AMOTL1: variants seen among roughly 807,000 people sequenced by gnomAD.
AMOTL1 encodes angiomotin-like protein 1.
In AMOTL1, 45 loss-of-function variants were observed where a neutral mutation model predicts 102.9. That is an observed-to-expected ratio of 0.44 (90% CI 0.34 to 0.56). The LOEUF (loss-of-function observed/expected upper bound fraction) is 0.56. Ranked by LOEUF, AMOTL1 falls within the 20% of genes least tolerant of loss-of-function variation. The probability of loss-of-function intolerance (pLI) is 0.01; values close to 1 mark genes in which losing one functional copy is unlikely to be tolerated. For missense variants in AMOTL1, 1,114 were observed against 1,225.6 expected (o/e 0.91, Z 1.36); for synonymous variants, 481 against 484.7 (o/e 0.99, Z 0.10).
chr11:94,839,668 C>T (rs1952256765), intron 6 of AMOTL1, among the ~76,000 whole-genome samples: 2 of 152,176 alleles, frequency 1.3e-5, no homozygotes, highest in Admixed American at 1.3e-4. Flanking sequence ...CCGGAGTGAT[C>T]AAGTGTTTAA....
chr11:94,757,300 T>C (rs945789391), intron 3 of AMOTL1, among the ~76,000 whole-genome samples: 13 of 152,172 alleles, frequency 8.5e-5, no homozygotes, highest in Non-Finnish European at 1.8e-4. Context: ...AATTTACTCA[T>C]GAATTTCTCA....
At chr11:94,797,509 T>C (rs553079752) in intron 2 of AMOTL1, among the ~76,000 whole-genome samples, 74 of 152,336 alleles carry the variant, frequency 4.9e-4, no homozygotes, top group African/African-American at 1.6e-3. Context: ...TAGACTCTTG[T>C]ATAAATAAAT....
rs557131202 is a variant in AMOTL1 at position 94,872,189 on chromosome 11, G to C, written c.*1394G>C. 13 of 152,228 alleles carry C rather than the reference G, an allele frequency of 8.5e-5. No homozygotes were observed. The highest frequency in any genetic ancestry group is 2.2e-4 in the African/African-American group (9 of 41,540). 9.4% of individuals were successfully genotyped at this position (152,228 alleles called of 1,614,324 possible). On this transcript the variant is annotated 3_prime_UTR_variant, in exon 13 of 13. Transcript: ENST00000433060. The stretch of plus-strand genomic sequence containing the variant: ...AGTGTGTTAGGTGGTGGGTCCATTA[G>C]ACCTCTGCTGTGACATTGCATATTC...
chr11:94,728,083 T>G (rs959898515), intron 1 of AMOTL1, among the ~76,000 whole-genome samples: 1 of 152,226 alleles, frequency 6.6e-6, no homozygotes, highest in African/African-American at 2.4e-5. Context: ...TGTGTGGATG[T>G]CCCACTTGCT....
At chr11:94,800,404 G>C in intron 3 of AMOTL1, 93 bp downstream of exon 3, 1 of 1,378,972 alleles carries the variant, frequency 7.3e-7, no homozygotes. Context: ...TTAGGTTTTT[G>C]TCATCAGGCT....
intron 6 of AMOTL1, among the ~76,000 whole-genome samples, chr11:94,846,873 A>G (rs534452965): frequency 6.6e-6 from 1 of 152,280 alleles, no homozygotes; most frequent in East Asian, 1.9e-4. Context: ...CATACAGTAA[A>G]CTTAGAATAA....
intron 1 of AMOTL1, among the ~76,000 whole-genome samples, chr11:94,720,669 A>G (rs1462243318): frequency 2.0e-5 from 3 of 151,856 alleles, no homozygotes; most frequent in Admixed American, 1.3e-4. Context: ...GCTTCTCCCT[A>G]TCTGCTGATT....
At chr11:94,784,952 C>A in intron 1 of AMOTL1, among the ~76,000 whole-genome samples, 1 of 137,588 alleles carries the variant, frequency 7.3e-6, no homozygotes, top group Admixed American at 7.8e-5. Context: ...GGCAACACAG[C>A]CATGAAAATA....
chr11:94,808,965 C>CTTTTTTTTTT (rs199619372), intron 3 of AMOTL1, among the ~76,000 whole-genome samples: 30 of 111,892 alleles, frequency 2.7e-4, no homozygotes, highest in Non-Finnish European at 3.7e-4. Flanking sequence ...TTCTTTCTTT[C>CTTTTTTTTTT]TTTTTTTTTT....
chr11:94,842,929 C>T (rs902052456), intron 6 of AMOTL1, among the ~76,000 whole-genome samples: 1 of 152,154 alleles, frequency 6.6e-6, no homozygotes, highest in African/African-American at 2.4e-5. Context: ...TTTAAAAACA[C>T]TCCACTCTCT....
intron 1 of AMOTL1, among the ~76,000 whole-genome samples, chr11:94,711,617 C>A (rs1233759458): frequency 6.6e-6 from 1 of 152,090 alleles, no homozygotes. Context: ...CATCCCTAAC[C>A]CTTTGAGACT....
chr11:94,825,671 A>G (rs1030173959), intron 4 of AMOTL1, among the ~76,000 whole-genome samples: 2 of 152,170 alleles, frequency 1.3e-5, no homozygotes, highest in Non-Finnish European at 2.9e-5. Flanking sequence ...TAGTTTTTGT[A>G]TCAAACCAGC....
chr11:94,714,822 T>C (rs1038726483), intron 1 of AMOTL1, among the ~76,000 whole-genome samples: 1 of 152,144 alleles, frequency 6.6e-6, no homozygotes, highest in Non-Finnish European at 1.5e-5. Context: ...TAACCAGCTT[T>C]TTATTTCATG....
chr11:94,719,913 A>G (rs1950151735), intron 1 of AMOTL1, among the ~76,000 whole-genome samples: 2 of 152,078 alleles, frequency 1.3e-5, no homozygotes. Flanking sequence ...GCACCCAAGG[A>G]TCTGCCCCCA....
intron 10 of AMOTL1, 138 bp downstream of exon 10, chr11:94,864,998 C>T: frequency 1.6e-6 from 2 of 1,259,444 alleles, no homozygotes; most frequent in Non-Finnish European, 2.1e-6. Flanking sequence ...CATGCTGTGC[C>T]ATGGAGAGAA....
At chr11:94,767,193 TCTAAGTTTCTTTTGTGTG>T (rs562880709), upstream of AMOTL1, among the ~76,000 whole-genome samples, 850 of 152,322 alleles carry the variant, frequency 5.6e-3, 11 homozygotes, top group African/African-American at 0.019. Flanking sequence ...GGTCAGCTGC[TCTAAGTTTCTTTTGTGTG>T]CTAAGTTTCT....
intron 1 of AMOTL1, among the ~76,000 whole-genome samples, chr11:94,716,290 T>C (rs1012775793): frequency 1.3e-5 from 2 of 152,312 alleles, no homozygotes; most frequent in South Asian, 2.1e-4. Flanking sequence ...ATTTTTATAA[T>C]GATTGCCTTA....
intron 3 of AMOTL1, among the ~76,000 whole-genome samples, chr11:94,816,149 T>C (rs969069356): frequency 1.3e-5 from 2 of 152,192 alleles, no homozygotes; most frequent in African/African-American, 4.8e-5. Context: ...TTAACTTTTA[T>C]TGTATCTTGC....
At position 94,761,552 on chromosome 11, in the gene AMOTL1, C is replaced by G. The variant is rs1310275759; in HGVS notation, c.136+20564C>G. ...TAGTTATTTTTAATTATTCCTCTCT[C>G]TCTCCCAATCCATACTTTGGACTTT... On this transcript the variant is annotated intron_variant, in intron 3 of 4. Coordinates refer to the AMOTL1 transcript ENST00000299004. 3.3e-5 allele frequency among the ~76,000 whole-genome samples: 5 copies of G among 152,146 alleles called. No homozygotes were observed. The South Asian group carries it at 6.2e-4, about 19-fold the overall frequency.
Sources: allele counts gnomAD v4.1 joint callset (sites outside exome capture counted in the v4.1 genomes callset), GRCh38; gene constraint gnomAD v4.1.1; transcripts MANE v1.5; gene names NCBI Gene and HGNC (gene_info 2026-07-23, HGNC 2026-07-21).